Variants in PNPLA4 observed in about 807,000 individuals in gnomAD.
The protein encoded by PNPLA4 is patatin like domain 4, phospholipase and triacylglycerol lipase.
Under a neutral mutation model 18.3 loss-of-function variants are expected in PNPLA4, and 15 were observed. The ratio of observed to expected loss-of-function variants is 0.82; its 90% CI spans 0.55 to 1.26. The LOEUF is 1.26. Ranked by LOEUF, PNPLA4 falls within the 50% of genes most tolerant of loss-of-function variation. The pLI, the probability that PNPLA4 is intolerant of heterozygous loss-of-function variation, is 0.00. For synonymous variants in PNPLA4, 88 were observed against 85.6 expected (o/e 1.03, Z -0.16); for missense variants, 229 against 196.8 (o/e 1.16, Z -0.98).
At chrX:7,911,012 CTA>C (rs1159434510) in intron 5 of PNPLA4, among the ~76,000 whole-genome samples, 5 of 111,179 alleles carry the variant, frequency 4.5e-5, no homozygotes, top group African/African-American at 1.6e-4. Flanking sequence ...AACAGATACT[CTA>C]TTTGATTACA....
Position 7,898,948 on chromosome X carries a change from T to C in PNPLA4, c.*1738A>G, listed in dbSNP as rs1188967852. On this transcript the variant is annotated 3_prime_UTR_variant, in exon 7 of 7. Transcript: ENST00000381042. ...TACAGTGTATCATACAAATAGAATATTCACATGAAATGATCAAAGGAAGGG... is the reference window on the plus strand; with the variant it reads ...TACAGTGTATCATACAAATAGAATACTCACATGAAATGATCAAAGGAAGGG... 1.8e-5 allele frequency: 2 copies of C among 111,947 alleles called. No individual in the cohort carries two copies. The highest frequency in any genetic ancestry group is 6.5e-5 in the African/African-American group (2 of 30,792). 9.2% of individuals were successfully genotyped at this position (111,947 alleles called of 1,213,427 possible).
rs377579586 is a variant in PNPLA4, at chrX:7,922,400, A to C, written c.181-302T>G. Among the ~76,000 whole-genome samples the C allele has an allele frequency of 2.6e-4, 29 of 112,478 alleles. 1 individual carries two copies. The highest frequency in any genetic ancestry group is 7.8e-4 in the African/African-American group (24 of 30,952). ...AATTTTAATTGAGCACATTCTTCAA[A>C]AGGTTTCCTCAGCGCAATTAACCTT... On this transcript the variant is annotated intron_variant, in intron 2 of 6. Coordinates refer to ENST00000381042, the MANE Select transcript of PNPLA4 (RefSeq NM_004650.3).
intron 4 of PNPLA4, among the ~76,000 whole-genome samples, chrX:7,916,722 T>G (rs192054322): frequency 8.9e-6 from 1 of 111,763 alleles, no homozygotes; most frequent in African/African-American, 3.2e-5. Context: ...TTGCAGGAAC[T>G]GATCTCAGCT....
At position 7,921,943 on chromosome X, in the gene PNPLA4, G is replaced by T. The variant is rs1271258507; in HGVS notation, c.275+61C>A. 1.1e-5 allele frequency: 12 copies of T among 1,118,257 alleles called. No homozygotes were observed. The African/African-American group carries it at 2.0e-4, about 19-fold the overall frequency. 92.2% of individuals were successfully genotyped at this position (1,118,257 alleles called of 1,213,427 possible). The stretch of plus-strand genomic sequence containing the variant: ...GAGAATGCTGAGCTTGCCAAAGTTT[G>T]TACAGAGAGTCGTCAACATTCTGTC... On this transcript the variant is annotated intron_variant, in intron 3 of 6. Transcript: ENST00000381042.
chrX:7,921,044 C>T lies in PNPLA4; in HGVS notation c.411+669G>A, dbSNP rs373176861. 6.3e-5 allele frequency among the ~76,000 whole-genome samples: 7 copies of T among 111,723 alleles called. No homozygotes were observed. The East Asian group carries it at 2.0e-3, about 32-fold the overall frequency. On this transcript the variant is annotated intron_variant, in intron 4 of 6. Coordinates refer to ENST00000381042, the MANE Select transcript of PNPLA4 (RefSeq NM_004650.3). ...CAGCACTTTGGGGGGCTGAGGTGGG[C>T]AGATCATTTGAGGTCAGTAGTTCAA...
chrX:7,901,578 C>A lies in PNPLA4; in HGVS notation c.630+411G>T, dbSNP rs189374124. Among the ~76,000 whole-genome samples, 15 of 111,519 alleles carry A rather than the reference C, an allele frequency of 1.3e-4. No individual in the cohort carries two copies. In the East Asian group the frequency reaches 4.2e-3, roughly 32 times the overall value. On this transcript the variant is annotated intron_variant, in intron 6 of 6. Transcript: ENST00000381042. The stretch of plus-strand genomic sequence containing the variant: ...CTCCAGCCTAGGGGACAGAGCAACA[C>A]CCTCTCTCAAAGAAGAAAAAAATTG...
chrX:7,922,199 G>T, intron 2 of PNPLA4, 101 bp from the exon 3 acceptor site: 1 of 600,997 alleles, frequency 1.7e-6, no homozygotes, highest in Non-Finnish European at 2.7e-6. Flanking sequence ...CAAATGTAGG[G>T]TGTCATGTTA....
intron 5 of PNPLA4, among the ~76,000 whole-genome samples, chrX:7,910,215 A>T (rs1287471907): frequency 8.9e-6 from 1 of 111,929 alleles, no homozygotes. Flanking sequence ...CCTGAAGCCT[A>T]TTATGATTTG....
rs1308591330 is a variant in PNPLA4 at position 7,899,216 on chromosome X, C to T, written c.*1470G>A. On this transcript the variant is annotated 3_prime_UTR_variant, in exon 7 of 7. Transcript: ENST00000381042. ...TGCTAAAAGTTGTGTATTTTGGCTT[C>T]TGAGAACCATAAAATTGACTCAAAG... The T allele has an allele frequency of 9.0e-6, 1 of 111,529 alleles. No individual in the cohort carries two copies. The highest frequency in any genetic ancestry group is 3.3e-5 in the African/African-American group (1 of 30,659). 9.2% of individuals were successfully genotyped at this position (111,529 alleles called of 1,213,427 possible).
chrX:7,914,617 G>A (rs1923980873), intron 4 of PNPLA4, among the ~76,000 whole-genome samples: 1 of 112,266 alleles, frequency 8.9e-6, no homozygotes, highest in Admixed American at 9.4e-5. Context: ...CGTACATATT[G>A]TGAAATTACA....
At position 7,921,800 on chromosome X, in the gene PNPLA4, C is replaced by G; in HGVS notation, c.324G>C (p.Gln108His). 5.0e-6 allele frequency: 6 copies of G among 1,208,398 alleles called. No homozygotes were observed. The highest frequency in any genetic ancestry group is 6.7e-6 in the Non-Finnish European group (6 of 892,709). ...ILPPSAHELAQNRLHVSITNA... is the reference protein window; with the variant it reads ...ILPPSAHELAHNRLHVSITNA... ...TGGTGATGGATACGTGCAGTCGGTT[C>G]TGGGCCAGCTCGTGAGCGCTGGGAG... is the stretch of plus-strand genomic sequence containing the variant. The change falls in exon 4 of 7, where the codon CAG becomes CAC. Residue 108 changes from glutamine to histidine, a missense_variant. Gln to His is a conservative substitution (Grantham distance 24). Transcript: ENST00000381042.
rs1353617041 is a variant in PNPLA4 at position 7,927,307 on chromosome X, C to T, written c.-35G>A. 1 of 113,249 alleles carries T rather than the reference C, an allele frequency of 8.8e-6. No homozygotes were observed. Among genetic ancestry groups the T allele is most frequent in the Non-Finnish European group, 1.9e-5 (1 of 53,329 alleles). 9.3% of individuals were successfully genotyped at this position (113,249 alleles called of 1,213,427 possible). ...GTACCAATGCAGCCCCGGGACACTT[C>T]CGTGTTGAACGAGTCCCTTTAACCA... On this transcript the variant is annotated 5_prime_UTR_variant, in exon 1 of 7. Coordinates refer to ENST00000381042, the MANE Select transcript of PNPLA4 (RefSeq NM_004650.3).
intron 5 of PNPLA4, among the ~76,000 whole-genome samples, chrX:7,902,783 G>A (rs932699935): frequency 1.8e-5 from 2 of 111,664 alleles, no homozygotes; most frequent in East Asian, 2.8e-4. Flanking sequence ...CAATGAGGAC[G>A]GACAATGAGG....
intron 1 of PNPLA4, 129 bp downstream of exon 1, chrX:7,927,157 C>G (rs1924449442): frequency 8.8e-6 from 1 of 113,445 alleles, no homozygotes; most frequent in Admixed American, 9.2e-5. Flanking sequence ...GGGTGTGTAG[C>G]AACCAGGCGG....
At chrX:7,908,483 C>T (rs1482142250) in intron 5 of PNPLA4, among the ~76,000 whole-genome samples, 4 of 112,374 alleles carry the variant, frequency 3.6e-5, no homozygotes, top group African/African-American at 9.7e-5. Context: ...GCAACATTCA[C>T]GCTTCCCTGA....
intron 5 of PNPLA4, among the ~76,000 whole-genome samples, chrX:7,908,085 A>G (rs1386309030): frequency 9.0e-6 from 1 of 111,631 alleles, no homozygotes; most frequent in Non-Finnish European, 1.9e-5. Flanking sequence ...ATTAATAAAA[A>G]CATTTTTTAA....
Position 7,912,069 on chromosome X carries a change from G to T in PNPLA4, c.436C>A (p.Pro146Thr), listed in dbSNP as rs772817378. The change falls in exon 5 of 7, where the codon CCC (proline) becomes ACC (threonine). Residue 146 changes from proline (P) to threonine (T), a missense_variant. Pro to Thr is a conservative substitution (Grantham distance 38). Coordinates refer to ENST00000381042, the MANE Select transcript of PNPLA4 (RefSeq NM_004650.3). ...ACTAGCTTCAGTCCTGCATAAATGG[G>T]CACAAAACTGCTGGCTAGGAGGACC... is the stretch of plus-strand genomic sequence containing the variant. ...IKVLLASSFV[P>T]IYAGLKLVEY... 3.7e-5 allele frequency: 44 copies of T among 1,203,734 alleles called. No homozygotes were observed. Among genetic ancestry groups the T allele is most frequent in the Non-Finnish European group, 4.9e-5 (44 of 889,331 alleles).
At chrX:7,903,917 TTGTG>T (rs1473034529) in intron 5 of PNPLA4, among the ~76,000 whole-genome samples, 18 of 111,492 alleles carry the variant, frequency 1.6e-4, no homozygotes, top group Middle Eastern at 9.3e-3. Flanking sequence ...ACACATGTGT[TTGTG>T]TATGTGTGTT....
Position 7,922,005 on chromosome X carries a change from T to C in PNPLA4, c.274A>G (p.Arg92Gly). ...TTGGGCAAAATGTACTCTGTATACC[T>C]TAGTCGGGCCATGAAGTCATAACCG... ...TPGYDFMARL[R>G]SGMESILPPS... The change falls in exon 3 of 7, where the codon AGA (arginine) becomes GGA (glycine). Residue 92 changes from arginine to glycine, a missense_variant and splice_region_variant. By Grantham distance (125) the Arg-to-Gly change is moderately radical. Coordinates refer to ENST00000381042, the MANE Select transcript of PNPLA4 (RefSeq NM_004650.3). The C allele has an allele frequency of 8.3e-7, 1 of 1,198,112 alleles. No individual in the cohort carries two copies. The highest frequency in any genetic ancestry group is 1.1e-6 in the Non-Finnish European group (1 of 883,411).
Sources: allele counts gnomAD v4.1 joint callset (sites outside exome capture counted in the v4.1 genomes callset), GRCh38; gene constraint gnomAD v4.1.1; transcripts MANE v1.5; gene names NCBI Gene and HGNC (gene_info 2026-07-23, HGNC 2026-07-21).